The following LYRM7 variants were observed in gnomAD, a reference collection of about 807,000 sequenced individuals.
LYRM7 encodes the protein complex III assembly factor LYRM7.
In LYRM7, 9 loss-of-function variants were observed where a neutral mutation model predicts 15.8. The ratio of observed to expected loss-of-function variants is 0.57; its 90% CI spans 0.34 to 0.99. The LOEUF is 0.99. LYRM7 is among the 50% of genes least tolerant of loss of function. The pLI, the probability that LYRM7 is intolerant of heterozygous loss-of-function variation, is 0.02. For synonymous variants in LYRM7, 39 were observed against 39.4 expected, an observed-to-expected ratio of 0.99 and a Z score of 0.04; for missense variants, 115 against 119.1, an observed-to-expected ratio of 0.97 and a Z score of 0.16.
At chr5:131,172,230 A>C (rs954425484) in intron 1 of LYRM7, among the ~76,000 whole-genome samples, 1 of 152,190 alleles carries the variant, frequency 6.6e-6, no homozygotes, top group African/African-American at 2.4e-5. Context: ...CCTAGGCAAC[A>C]TGGTGAAACC....
Position 131,181,165 on chromosome 5 carries a change from C to G in LYRM7, c.91+998C>G, listed in dbSNP as rs564043968. Among the ~76,000 whole-genome samples the G allele has an allele frequency of 1.5e-3, 222 of 145,274 alleles. 1 individual carries two copies. The highest frequency in any genetic ancestry group is 3.0e-3 in the Admixed American group (42 of 13,856). On this transcript the variant is annotated intron_variant, in intron 2 of 4. Coordinates refer to ENST00000379380, the MANE Select transcript of LYRM7 (RefSeq NM_181705.4). ...AATTAGCCGGGCATGGTGGCACACA[C>G]CTGTAATCCCTTGAGGGAGGAGAAT...
intron 4 of LYRM7, among the ~76,000 whole-genome samples, chr5:131,194,006 T>C (rs1755925936): frequency 6.6e-6 from 1 of 151,394 alleles, no homozygotes; most frequent in Non-Finnish European, 1.5e-5. Flanking sequence ...CAAAACTCCG[T>C]CTCAAAAAAA....
chr5:131,198,807 A>G (rs766308815), intron 4 of LYRM7, among the ~76,000 whole-genome samples: 9 of 151,564 alleles, frequency 5.9e-5, no homozygotes, highest in Non-Finnish European at 8.8e-5. Context: ...TAGACCTCAA[A>G]TGATCATCCC....
chr5:131,182,959 A>C (rs2149662071), intron 3 of LYRM7, among the ~76,000 whole-genome samples: 1 of 152,340 alleles, frequency 6.6e-6, no homozygotes, highest in African/African-American at 2.4e-5. Context: ...AAGAAAACAA[A>C]ACAAAAAAAT....
intron 4 of LYRM7, among the ~76,000 whole-genome samples, chr5:131,192,219 C>T (rs1469411428): frequency 6.6e-6 from 1 of 151,868 alleles, no homozygotes; most frequent in African/African-American, 2.4e-5. Flanking sequence ...CATGTGGAAC[C>T]TAAAAAAGTT....
At chr5:131,174,540 AT>A (rs1199771937) in intron 1 of LYRM7, among the ~76,000 whole-genome samples, 2 of 152,212 alleles carry the variant, frequency 1.3e-5, no homozygotes, top group African/African-American at 4.8e-5. Flanking sequence ...TATGGCAGCT[AT>A]AGCCTTATGA....
intron 1 of LYRM7, among the ~76,000 whole-genome samples, chr5:131,171,910 G>T (rs1175753128): frequency 6.6e-6 from 1 of 152,168 alleles, no homozygotes; most frequent in African/African-American, 2.4e-5. Flanking sequence ...TTATTTGAAT[G>T]TCCATAATAG....
chr5:131,173,369 T>C (rs1755551946), intron 1 of LYRM7, among the ~76,000 whole-genome samples: 1 of 152,190 alleles, frequency 6.6e-6, no homozygotes, highest in Non-Finnish European at 1.5e-5. Flanking sequence ...GTAATACAAG[T>C]TTTTTGGTCC....
chr5:131,181,293 A>AT (rs1561544153), intron 2 of LYRM7, among the ~76,000 whole-genome samples: 26 of 48,332 alleles, frequency 5.4e-4, no homozygotes, highest in African/African-American at 2.2e-3. Context: ...AAAAAAAAAA[A>AT]AAAAAAAAAA....
intron 3 of LYRM7, among the ~76,000 whole-genome samples, chr5:131,182,752 A>AT (rs1282073178): frequency 6.6e-6 from 1 of 152,172 alleles, no homozygotes; most frequent in African/African-American, 2.4e-5. Context: ...CTGTATTTGC[A>AT]TTTTGGTCAC....
At chr5:131,177,593 G>C (rs1755621883) in intron 1 of LYRM7, among the ~76,000 whole-genome samples, 6 of 152,228 alleles carry the variant, frequency 3.9e-5, no homozygotes, top group Admixed American at 3.9e-4. Context: ...GTACCATTCT[G>C]ATTTTTTCCA....
intron 4 of LYRM7, among the ~76,000 whole-genome samples, chr5:131,196,259 C>T (rs1464906386): frequency 6.6e-6 from 1 of 151,860 alleles, no homozygotes; most frequent in African/African-American, 2.4e-5. Flanking sequence ...TCGGGCAATC[C>T]AACCACCTCG....
At chr5:131,187,132 G>T in intron 4 of LYRM7, 23 bp downstream of exon 4, 1 of 1,251,648 alleles carries the variant, frequency 8.0e-7, no homozygotes, top group East Asian at 2.5e-5. Context: ...AAAGAAAAAT[G>T]GTTTCTAACT....
chr5:131,192,950 G>T (rs986009985), intron 4 of LYRM7, among the ~76,000 whole-genome samples: 84 of 152,000 alleles, frequency 5.5e-4, no homozygotes, highest in Middle Eastern at 3.4e-3. Flanking sequence ...ATTTTCATTC[G>T]TACAAATTTA....
chr5:131,172,593 A>G (rs1318875794), intron 1 of LYRM7, among the ~76,000 whole-genome samples: 1 of 152,206 alleles, frequency 6.6e-6, no homozygotes, highest in Non-Finnish European at 1.5e-5. Context: ...GATTCATTCC[A>G]AAAACACTTT....
chr5:131,175,180 G>C (rs1755581130), intron 1 of LYRM7, among the ~76,000 whole-genome samples: 1 of 149,168 alleles, frequency 6.7e-6, no homozygotes, highest in African/African-American at 2.5e-5. Context: ...TCAACTCAAA[G>C]TCACCAGCTT....
intron 3 of LYRM7, among the ~76,000 whole-genome samples, chr5:131,184,648 G>GC (rs10628912): frequency 3.3e-5 from 5 of 150,002 alleles, no homozygotes; most frequent in South Asian, 2.1e-4. Context: ...GGCGGGGGGG[G>GC]GGTTCCAGGA....
At chr5:131,182,525 G>C (rs1755731252) in intron 3 of LYRM7, among the ~76,000 whole-genome samples, 1 of 152,136 alleles carries the variant, frequency 6.6e-6, no homozygotes, top group African/African-American at 2.4e-5. Context: ...AAATAGCCAT[G>C]ATCAAAGCCA....
intron 2 of LYRM7, among the ~76,000 whole-genome samples, chr5:131,181,370 T>C (rs1260019830): frequency 3.2e-5 from 1 of 31,394 alleles, no homozygotes; most frequent in Non-Finnish European, 5.0e-5. Context: ...TTAACATATA[T>C]ATGTATATAT....
Sources: gnomAD v4.1 joint callset for allele counts (sites outside exome capture counted in the v4.1 genomes callset) on GRCh38, gnomAD v4.1.1 for gene constraint, MANE v1.5 for transcripts, NCBI Gene and HGNC (gene_info 2026-07-23, HGNC 2026-07-21) for gene names.